NCOA2: variants seen among roughly 807,000 people sequenced by gnomAD.
NCOA2 encodes class E basic helix-loop-helix protein 75.
NCOA2 carries 21 observed loss-of-function variants against 145.1 expected under a neutral mutation model. The ratio of observed to expected loss-of-function variants is 0.14; its 90% confidence interval spans 0.10 to 0.21. NCOA2 has a LOEUF of 0.21. Among genes scored for constraint, NCOA2 ranks in the 10% least tolerant of loss-of-function variants. The probability of loss-of-function intolerance (pLI) is 1.00; values close to 1 mark genes in which losing one functional copy is unlikely to be tolerated. For missense variants in NCOA2, 1,472 were observed against 1,837.6 expected (o/e 0.80, Z 3.64); for synonymous variants, 619 against 637.5 (o/e 0.97, Z 0.44).
At chr8:70,216,791 GA>G in intron 2 of NCOA2, 27 bp from the exon 3 acceptor site, 1 of 1,390,996 alleles carries the variant, frequency 7.2e-7, no homozygotes, top group Non-Finnish European at 1.0e-6. Flanking sequence ...AGAAGAGGAA[GA>G]AAAAAATGAA....
chr8:70,442,162 A>AGAAAGAAAGAAAGAAAGAAAGAAAGAAG, the NCOA2 span, among the ~76,000 whole-genome samples: 1 of 148,196 alleles, frequency 6.7e-6, no homozygotes, highest in Non-Finnish European at 1.5e-5. Context: ...AAAGAAAGAA[A>AGAAAGAAAGAAAGAAAGAAAGAAAGAAG]GAGAAAGGCT....
At chr8:70,294,271 A>T (rs1186293382) in intron 2 of NCOA2, among the ~76,000 whole-genome samples, 1 of 152,160 alleles carries the variant, frequency 6.6e-6, no homozygotes. Context: ...GTAATTCTAT[A>T]GTCACTATAT....
At chr8:70,178,239 T>A (rs964827176) in intron 4 of NCOA2, among the ~76,000 whole-genome samples, 1 of 152,252 alleles carries the variant, frequency 6.6e-6, no homozygotes, top group African/African-American at 2.4e-5. Flanking sequence ...TACAGTATTT[T>A]ATTTTTAGGA....
rs553829232 is a variant in NCOA2, at chr8:70,163,525, T to C, written c.772A>G (p.Met258Val). Residue 258 changes from methionine to valine, a missense_variant, in exon 8 of 23, where the codon ATG becomes GTG. By Grantham distance (21) the Met-to-Val change is conservative (BLOSUM62 1). Coordinates refer to ENST00000452400, the MANE Select transcript of NCOA2 (RefSeq NM_006540.4). ...GAGGGAAGAACTGGTCTTTCCTTCA[T>C]GGGAACTCTTCTTGCCACGCAAATC... The part of the protein sequence containing the change: ...CLICVARRVP[M>V]KERPVLPSSE... The C allele has an allele frequency of 3.1e-6, 5 of 1,613,942 alleles. No individual in the cohort carries two copies. In the African/African-American group the frequency reaches 4.0e-5, roughly 13 times the overall value.
At chr8:70,137,480 C>G (rs996663500) in intron 15 of NCOA2, among the ~76,000 whole-genome samples, 2 of 152,220 alleles carry the variant, frequency 1.3e-5, no homozygotes, top group African/African-American at 4.8e-5. Flanking sequence ...AATTATTATA[C>G]ATTTGTCCTG....
chr8:70,403,809 G>T (rs1156629068), upstream of NCOA2: 2 of 397,248 alleles, frequency 5.0e-6, no homozygotes, highest in Non-Finnish European at 8.9e-6. Flanking sequence ...AATAACTGCT[G>T]CCTGGTTGTT....
At chr8:70,450,344 C>T in the NCOA2 span, among the ~76,000 whole-genome samples, 1 of 152,152 alleles carries the variant, frequency 6.6e-6, no homozygotes, top group African/African-American at 2.4e-5. Context: ...AAAGGAGACT[C>T]CTGAACACTA....
At position 70,157,025 on chromosome 8, in the gene NCOA2, A is replaced by G. The variant is rs952853717; in HGVS notation, c.1340T>C (p.Met447Thr). The G allele has an allele frequency of 1.9e-5, 31 of 1,613,896 alleles. No homozygotes were observed. The Middle Eastern group carries it at 9.9e-4, about 51-fold the overall frequency. The stretch of plus-strand genomic sequence containing the variant: ...TGCTTGCATGCCTGACACATGGTTC[A>G]TTCCCCCAGAACCACCAAACCTGCC... ...PMGRFGGSGG[M>T]NHVSGMQATT... The change falls in exon 11 of 23, where the codon ATG becomes ACG. Residue 447 changes from methionine (M) to threonine (T), a missense_variant. Physicochemically the swap from Met to Thr is moderately conservative, Grantham distance 81. Transcript: ENST00000452400.
intron 4 of NCOA2, among the ~76,000 whole-genome samples, chr8:70,180,592 C>A (rs1563578012): frequency 1.3e-5 from 2 of 152,076 alleles, no homozygotes; most frequent in Non-Finnish European, 2.9e-5. Context: ...AGAATCTGAT[C>A]CTAGAAATAT....
chr8:70,304,266 A>G (rs1288636954), intron 1 of NCOA2, among the ~76,000 whole-genome samples: 1 of 152,164 alleles, frequency 6.6e-6, no homozygotes, highest in Non-Finnish European at 1.5e-5. Context: ...ACATGTTTAT[A>G]TACACAAATA....
At chr8:70,123,408 C>T (rs541766481) in intron 21 of NCOA2, among the ~76,000 whole-genome samples, 1 of 152,080 alleles carries the variant, frequency 6.6e-6, no homozygotes, top group Non-Finnish European at 1.5e-5. Context: ...ATCCCAGCTA[C>T]CCAGGAGGCT....
the NCOA2 span, among the ~76,000 whole-genome samples, chr8:70,418,644 T>C: frequency 4.6e-3 from 697 of 152,294 alleles, 5 homozygotes; most frequent in Non-Finnish European, 7.6e-3. Flanking sequence ...TCAATTACAT[T>C]GGACTGCTTC....
At chr8:70,192,890 A>ACC (rs2061686606) in intron 4 of NCOA2, among the ~76,000 whole-genome samples, 1 of 151,994 alleles carries the variant, frequency 6.6e-6, no homozygotes, top group Non-Finnish European at 1.5e-5. Context: ...AACATGGTGA[A>ACC]AACTCATCAC....
chr8:70,307,615 G>A (rs749859987), intron 1 of NCOA2, among the ~76,000 whole-genome samples: 4 of 152,100 alleles, frequency 2.6e-5, no homozygotes, highest in East Asian at 1.9e-4. Flanking sequence ...GCTTACATTC[G>A]TGTTAAAGAT....
intron 1 of NCOA2, among the ~76,000 whole-genome samples, chr8:70,343,964 T>C (rs1694729041): frequency 2.6e-5 from 4 of 152,144 alleles, no homozygotes; most frequent in Admixed American, 2.6e-4. Flanking sequence ...GATTATAAGG[T>C]TACCCCAGAC....
Position 70,144,633 on chromosome 8 carries a change from A to G in NCOA2, c.2812+9T>C, listed in dbSNP as rs1194413890. The G allele has an allele frequency of 3.1e-6, 5 of 1,606,728 alleles. No homozygotes were observed. Among genetic ancestry groups the G allele is most frequent in the Admixed American group, 1.7e-5 (1 of 60,018 alleles). On this transcript the variant is annotated intron_variant, in intron 13 of 22. Coordinates refer to ENST00000452400, the MANE Select transcript of NCOA2 (RefSeq NM_006540.4). Reference sequence around the variant, plus strand: ...CACCAATAAAGTAACAGTGCATTTGACCCCTTACCTGTGCTACTGTTCCCT... The same window carrying G: ...CACCAATAAAGTAACAGTGCATTTGGCCCCTTACCTGTGCTACTGTTCCCT...
intron 1 of NCOA2, among the ~76,000 whole-genome samples, chr8:70,317,268 A>C (rs749543591): frequency 1.3e-5 from 2 of 152,198 alleles, no homozygotes; most frequent in Admixed American, 6.5e-5. Flanking sequence ...CCCAGTGCCA[A>C]AAGTCACAAC....
At chr8:70,261,933 C>T (rs1824170900) in intron 2 of NCOA2, among the ~76,000 whole-genome samples, 1 of 152,034 alleles carries the variant, frequency 6.6e-6, no homozygotes, top group African/African-American at 2.4e-5. Flanking sequence ...AAAGTGGATA[C>T]AGCAAACAGC....
At chr8:70,241,111 T>C (rs535688135) in intron 2 of NCOA2, among the ~76,000 whole-genome samples, 1 of 152,290 alleles carries the variant, frequency 6.6e-6, no homozygotes, top group East Asian at 1.9e-4. Flanking sequence ...CTGGTATCTG[T>C]AAACAAGGAT....
Sources: allele counts gnomAD v4.1 joint callset (sites outside exome capture counted in the v4.1 genomes callset), GRCh38; gene constraint gnomAD v4.1.1; transcripts MANE v1.5; gene names NCBI Gene and HGNC (gene_info 2026-07-23, HGNC 2026-07-21).